Variants in SLC25A21 observed in about 807,000 individuals in gnomAD.
SLC25A21 encodes mitochondrial 2-oxodicarboxylate carrier.
A neutral mutation model predicts 43.8 loss-of-function variants in SLC25A21; 47 were observed. The observed-to-expected ratio is 1.07, with a 90% CI of 0.85 to 1.37. The LOEUF is 1.37. SLC25A21 is among the 40% of genes most tolerant of loss of function. The pLI is 0.00. For synonymous variants in SLC25A21, 131 were observed against 121.3 expected (o/e 1.08, Z -0.52); for missense variants, 352 against 350.2 (o/e 1.00, Z -0.04).
chr14:37,116,200 A>G (rs553532007), intron 1 of SLC25A21, among the ~76,000 whole-genome samples: 29 of 152,292 alleles, frequency 1.9e-4, no homozygotes, highest in Middle Eastern at 6.8e-3. Context: ...GTAAACTTCA[A>G]TTTTCATAAC....
At chr14:37,158,219 G>A (rs1040222178) in intron 1 of SLC25A21, among the ~76,000 whole-genome samples, 13 of 151,894 alleles carry the variant, frequency 8.6e-5, no homozygotes, top group African/African-American at 1.7e-4. Context: ...GGTAATTCTC[G>A]CTATCATTCT....
rs551713643 is a variant in SLC25A21, at chr14:36,748,210, T to C, written c.204-13637A>G. Among the ~76,000 whole-genome samples the C allele has an allele frequency of 8.5e-5, 13 of 152,316 alleles. No individual in the cohort carries two copies. The Middle Eastern group carries it at 0.01, about 120-fold the overall frequency. On this transcript the variant is annotated intron_variant, in intron 3 of 9. Coordinates refer to ENST00000331299, the MANE Select transcript of SLC25A21 (RefSeq NM_030631.4). ...CTATCAAGTCCACTGGGGAATTTCATTCTACCTCCTGGCTCTAACGCTTCT... is the reference window on the plus strand; with the variant it reads ...CTATCAAGTCCACTGGGGAATTTCACTCTACCTCCTGGCTCTAACGCTTCT...
At chr14:36,948,744 C>T (rs1257796136) in intron 1 of SLC25A21, among the ~76,000 whole-genome samples, 1 of 151,956 alleles carries the variant, frequency 6.6e-6, no homozygotes, top group Non-Finnish European at 1.5e-5. Flanking sequence ...ATATAAAATG[C>T]ACACCAATTC....
At position 36,711,398 on chromosome 14, in the gene SLC25A21, T is replaced by C. The variant is rs1883860073; in HGVS notation, c.523A>G (p.Thr175Ala). 1 of 1,614,028 alleles carries C rather than the reference T, an allele frequency of 6.2e-7. No individual in the cohort carries two copies. Among genetic ancestry groups the C allele is most frequent in the African/African-American group, 1.3e-5 (1 of 74,922 alleles). Residue 175 changes from threonine (T) to alanine (A), a missense_variant, in exon 7 of 10, where the codon ACT becomes GCT. By Grantham distance (58) the Thr-to-Ala change is moderately conservative. Transcript: ENST00000331299. ...TTGAAAACTCCATGTCGTCCCAAAG[T>C]TGCAGTTAATCCTTTGTTGAGGCCC... ...LQGLNKGLTA[T>A]LGRHGVFNMV...
chr14:36,767,978 T>C (rs2138350042), intron 3 of SLC25A21, among the ~76,000 whole-genome samples: 1 of 152,344 alleles, frequency 6.6e-6, no homozygotes, highest in Admixed American at 6.5e-5. Flanking sequence ...GTTGTAATCC[T>C]GGCCCACATC....
chr14:37,053,023 A>G (rs1961744076), intron 1 of SLC25A21, among the ~76,000 whole-genome samples: 2 of 152,236 alleles, frequency 1.3e-5, no homozygotes, highest in Non-Finnish European at 1.5e-5. Flanking sequence ...TTATTGAAGC[A>G]TAATCACATA....
chr14:37,099,861 C>T (rs1962783353), intron 1 of SLC25A21, among the ~76,000 whole-genome samples: 1 of 152,056 alleles, frequency 6.6e-6, no homozygotes, highest in Admixed American at 6.6e-5. Context: ...CTAGGTGTTA[C>T]TAACTCCAAA....
At chr14:36,792,271 G>A (rs1158530717) in intron 3 of SLC25A21, among the ~76,000 whole-genome samples, 3 of 152,100 alleles carry the variant, frequency 2.0e-5, no homozygotes, top group Non-Finnish European at 4.4e-5. Context: ...GAAAAAGAAA[G>A]TGTATTTGAG....
chr14:36,691,515 A>G (rs1400348620), intron 7 of SLC25A21, among the ~76,000 whole-genome samples: 1 of 152,216 alleles, frequency 6.6e-6, no homozygotes, highest in Non-Finnish European at 1.5e-5. Context: ...ATAAGCCTAA[A>G]CCATTTTACT....
chr14:37,172,074 A>T (rs1315670998), intron 1 of SLC25A21: 2 of 555,340 alleles, frequency 3.6e-6, no homozygotes, highest in African/African-American at 3.8e-5. Flanking sequence ...ACGCCGAGGC[A>T]ACTTTACTTG....
intron 3 of SLC25A21, among the ~76,000 whole-genome samples, chr14:36,796,151 G>A (rs1465556585): frequency 2.0e-5 from 3 of 152,086 alleles, no homozygotes; most frequent in Admixed American, 6.6e-5. Flanking sequence ...GATGTTCTAG[G>A]AAGAGAATGA....
chr14:36,697,458 A>G (rs564882298), intron 7 of SLC25A21, among the ~76,000 whole-genome samples: 4 of 152,224 alleles, frequency 2.6e-5, no homozygotes, highest in South Asian at 4.1e-4. Context: ...CAGGTCCTGG[A>G]TATGCTTGTT....
intron 1 of SLC25A21, among the ~76,000 whole-genome samples, chr14:37,166,269 C>T (rs1964028729): frequency 6.6e-6 from 1 of 152,148 alleles, no homozygotes; most frequent in African/African-American, 2.4e-5. Flanking sequence ...TTTCTCTTGG[C>T]TAAAGGATAA....
At chr14:37,116,828 T>C (rs1963115934) in intron 1 of SLC25A21, among the ~76,000 whole-genome samples, 2 of 152,172 alleles carry the variant, frequency 1.3e-5, no homozygotes, top group African/African-American at 4.8e-5. Flanking sequence ...CATCTTTTTG[T>C]ATGTGATTTA....
chr14:36,993,838 A>G (rs2138716032), intron 1 of SLC25A21, among the ~76,000 whole-genome samples: 1 of 152,270 alleles, frequency 6.6e-6, no homozygotes. Flanking sequence ...CCACTTGACA[A>G]TCCTTCACCT....
chr14:36,821,439 T>C (rs1393871593), intron 2 of SLC25A21, among the ~76,000 whole-genome samples: 1 of 152,168 alleles, frequency 6.6e-6, no homozygotes. Flanking sequence ...CTCTTCCAAG[T>C]TGAAGTATCT....
intron 1 of SLC25A21, among the ~76,000 whole-genome samples, chr14:36,907,504 A>C (rs1891568391): frequency 1.3e-5 from 2 of 152,148 alleles, no homozygotes; most frequent in Admixed American, 1.3e-4. Flanking sequence ...TACCCTTTCA[A>C]AGTTTTCACC....
chr14:36,905,578 C>T (rs1339802241), intron 1 of SLC25A21, among the ~76,000 whole-genome samples: 1 of 152,130 alleles, frequency 6.6e-6, no homozygotes, highest in Non-Finnish European at 1.5e-5. Flanking sequence ...ATAAAGCTAA[C>T]AGCTTATGGC....
chr14:37,006,785 T>G (rs1228277603), intron 1 of SLC25A21, among the ~76,000 whole-genome samples: 1 of 152,204 alleles, frequency 6.6e-6, no homozygotes, highest in African/African-American at 2.4e-5. Context: ...ATGTCATATC[T>G]GATAAGTGAT....
Sources: gnomAD v4.1 joint callset for allele counts (sites outside exome capture counted in the v4.1 genomes callset) on GRCh38, gnomAD v4.1.1 for gene constraint, MANE v1.5 for transcripts, NCBI Gene and HGNC (gene_info 2026-07-23, HGNC 2026-07-21) for gene names.